DCAKD: variants seen among roughly 807,000 people sequenced by gnomAD.
DCAKD encodes dephospho-CoA kinase domain containing.
Under a neutral mutation model 18.7 loss-of-function variants are expected in DCAKD, and 15 were observed. The observed-to-expected ratio is 0.80, with a 90% CI of 0.54 to 1.24. The LOEUF (loss-of-function observed/expected upper bound fraction) is 1.24. Ranked by LOEUF, DCAKD falls within the 50% of genes most tolerant of loss-of-function variation. The probability of loss-of-function intolerance (pLI) is 0.00; values close to 1 mark genes in which losing one functional copy is unlikely to be tolerated. For synonymous variants in DCAKD, 130 were observed against 133.0 expected, an observed-to-expected ratio of 0.98 and a Z score of 0.16; for missense variants, 301 against 322.0, an observed-to-expected ratio of 0.93 and a Z score of 0.50.
intron 1 of DCAKD, among the ~76,000 whole-genome samples, chr17:45,039,696 TGTGA>T (rs1229536828): frequency 5.9e-5 from 9 of 152,126 alleles, no homozygotes; most frequent in African/African-American, 2.2e-4. Flanking sequence ...TCCCCACACT[TGTGA>T]GTGAGAGGGG....
intron 1 of DCAKD, among the ~76,000 whole-genome samples, chr17:45,038,659 T>C (rs2053359514): frequency 6.6e-6 from 1 of 152,168 alleles, no homozygotes. Context: ...GTGTGGACAA[T>C]GGCCAGAGCA....
chr17:45,033,760 C>G, intron 3 of DCAKD: 3 of 760,368 alleles, frequency 3.9e-6, no homozygotes, highest in Non-Finnish European at 5.3e-6. Context: ...CCACTGTGCC[C>G]AGCCTCATGT....
At chr17:45,043,784 A>C (rs909972128) in intron 1 of DCAKD, among the ~76,000 whole-genome samples, 1 of 151,952 alleles carries the variant, frequency 6.6e-6, no homozygotes, top group Non-Finnish European at 1.5e-5. Context: ...GGTTTTTCTC[A>C]TAACTCCATT....
At chr17:45,039,458 C>A (rs923780154) in intron 1 of DCAKD, among the ~76,000 whole-genome samples, 3 of 152,236 alleles carry the variant, frequency 2.0e-5, no homozygotes, top group East Asian at 1.9e-4. Context: ...GACACCCAGG[C>A]TCCATCTACC....
At chr17:45,033,420 A>C (rs2053214864) in intron 3 of DCAKD, among the ~76,000 whole-genome samples, 1 of 152,172 alleles carries the variant, frequency 6.6e-6, no homozygotes, top group Non-Finnish European at 1.5e-5. Context: ...ATTAACTGAC[A>C]GTCACTGACC....
intron 4 of DCAKD, among the ~76,000 whole-genome samples, chr17:45,027,969 G>C (rs1357243146): frequency 6.8e-6 from 1 of 146,760 alleles, no homozygotes; most frequent in Non-Finnish European, 1.5e-5. Flanking sequence ...TTGGGTGACA[G>C]AGTGAGACTC....
At chr17:45,025,805 G>A (rs2053043071) in intron 4 of DCAKD, among the ~76,000 whole-genome samples, 1 of 145,558 alleles carries the variant, frequency 6.9e-6, no homozygotes. Context: ...AGGCTGGAGT[G>A]CAGTGGCGTG....
intron 2 of DCAKD, 140 bp from the exon 3 acceptor site, chr17:45,034,530 C>G (rs776046216): frequency 5.9e-6 from 6 of 1,022,032 alleles, no homozygotes; most frequent in Non-Finnish European, 8.6e-6. Flanking sequence ...GTAGAGAAAG[C>G]AGTGAAGGAA....
chr17:45,055,616 C>A (rs2053771556), upstream of DCAKD, among the ~76,000 whole-genome samples: 1 of 152,120 alleles, frequency 6.6e-6, no homozygotes, highest in Non-Finnish European at 1.5e-5. Context: ...CCTGGACTTT[C>A]TACCTAGAAG....
intron 1 of DCAKD, among the ~76,000 whole-genome samples, chr17:45,059,462 T>C (rs1179508950): frequency 1.3e-5 from 2 of 152,038 alleles, no homozygotes; most frequent in Non-Finnish European, 2.9e-5. Flanking sequence ...TCAACCCGAA[T>C]AGGAAATTTC....
rs897886108 is a variant in DCAKD, at chr17:45,048,447, G to A, written c.-115+2914C>T. ...GAGGTCAGGAGTTTGAGACCTGCCT[G>A]GCCAATATGGTGAAACCCCGTCTCT... On this transcript the variant is annotated intron_variant, in intron 1 of 4. Transcript: ENST00000651974. 3.3e-5 allele frequency among the ~76,000 whole-genome samples: 5 copies of A among 152,130 alleles called. No homozygotes were observed. In the South Asian group the frequency reaches 1.0e-3, roughly 31 times the overall value.
intron 1 of DCAKD, among the ~76,000 whole-genome samples, chr17:45,044,518 C>G (rs964219925): frequency 1.3e-5 from 2 of 152,048 alleles, no homozygotes; most frequent in Non-Finnish European, 2.9e-5. Context: ...ATAGCAAAAT[C>G]CTGTCTCTAC....
At chr17:45,050,303 C>G (rs1286396896) in intron 1 of DCAKD, among the ~76,000 whole-genome samples, 1 of 151,930 alleles carries the variant, frequency 6.6e-6, no homozygotes, top group Non-Finnish European at 1.5e-5. Flanking sequence ...CTCAACCTAC[C>G]AAAGCGCTGG....
upstream of DCAKD, among the ~76,000 whole-genome samples, chr17:45,053,017 GC>G (rs144187077): frequency 0.23 from 33,786 of 149,722 alleles, 4,383 homozygotes; most frequent in African/African-American, 0.34. Context: ...TACAAAATTA[GC>G]CGGGCGTGGT....
chr17:45,034,655 A>C, intron 2 of DCAKD, 119 bp downstream of exon 2: 1 of 1,158,556 alleles, frequency 8.6e-7, no homozygotes, highest in Admixed American at 2.4e-5. Context: ...CAGAAGTCAG[A>C]CCAGGGTCAA....
chr17:45,047,567 G>A (rs929181494), intron 1 of DCAKD, among the ~76,000 whole-genome samples: 6 of 147,576 alleles, frequency 4.1e-5, no homozygotes, highest in Admixed American at 1.4e-4. Context: ...ATGCAGTGGC[G>A]CGATCTTGGC....
At chr17:45,024,994 A>C (rs538214202) in intron 4 of DCAKD, among the ~76,000 whole-genome samples, 3 of 145,920 alleles carry the variant, frequency 2.1e-5, no homozygotes, top group Admixed American at 6.9e-5. Context: ...CAAGGGGGGA[A>C]CTTTGGCCAC....
intron 1 of DCAKD, among the ~76,000 whole-genome samples, chr17:45,042,192 A>T (rs2053454638): frequency 6.6e-6 from 1 of 152,042 alleles, no homozygotes. Flanking sequence ...ATCCCCTTGG[A>T]GGAGCCTCAT....
intron 2 of DCAKD, 115 bp downstream of exon 2, chr17:45,034,659 G>C: frequency 8.5e-7 from 1 of 1,180,858 alleles, no homozygotes. Flanking sequence ...AGTCAGACCA[G>C]GGTCAACAGG....
Sources: gnomAD v4.1 joint callset for allele counts (sites outside exome capture counted in the v4.1 genomes callset) on GRCh38, gnomAD v4.1.1 for gene constraint, MANE v1.5 for transcripts, NCBI Gene and HGNC (gene_info 2026-07-23, HGNC 2026-07-21) for gene names.